The following DNAH14 variants were observed in gnomAD, a reference collection of about 807,000 sequenced individuals.
The protein encoded by DNAH14 is dynein axonemal heavy chain 14, also known as axonemal beta dynein heavy chain 14.
In DNAH14, 478 loss-of-function variants were observed where a neutral mutation model predicts 520.9. The ratio of observed to expected loss-of-function variants is 0.92; its 90% CI spans 0.85 to 0.99. The LOEUF (loss-of-function observed/expected upper bound fraction) is 0.99. Ranked by LOEUF, DNAH14 falls within the 50% of genes least tolerant of loss-of-function variation. The pLI is 0.00. For synonymous variants in DNAH14, 1,581 were observed against 1,757.2 expected, an observed-to-expected ratio of 0.90 and a Z score of 2.51; for missense variants, 4,831 against 5,234.5, an observed-to-expected ratio of 0.92 and a Z score of 2.38.
At chr1:225,262,584 A>G (rs1346266433) in intron 46 of DNAH14, among the ~76,000 whole-genome samples, 2 of 151,948 alleles carry the variant, frequency 1.3e-5, no homozygotes, top group Non-Finnish European at 2.9e-5. Flanking sequence ...TTTTCCCAGC[A>G]CCATTTTTGA....
intron 43 of DNAH14, among the ~76,000 whole-genome samples, chr1:225,243,863 G>A (rs1014877896): frequency 1.3e-5 from 2 of 151,528 alleles, no homozygotes; most frequent in African/African-American, 4.8e-5. Context: ...GATTGCCCTG[G>A]CCAGAATTTC....
chr1:225,378,528 G>T (rs1194688389), intron 79 of DNAH14, among the ~76,000 whole-genome samples: 2 of 152,174 alleles, frequency 1.3e-5, no homozygotes. Context: ...CAGCTTTAAG[G>T]TTATTGCTTA....
At chr1:225,009,678 C>T (rs1372135781) in intron 10 of DNAH14, among the ~76,000 whole-genome samples, 1 of 152,160 alleles carries the variant, frequency 6.6e-6, no homozygotes, top group Non-Finnish European at 1.5e-5. Context: ...AGCATTGAAT[C>T]TATAAATTAC....
At chr1:224,936,399 C>A (rs1416454487) in intron 1 of DNAH14, among the ~76,000 whole-genome samples, 1 of 151,362 alleles carries the variant, frequency 6.6e-6, no homozygotes, top group Non-Finnish European at 1.5e-5. Flanking sequence ...ACAACTGATA[C>A]CAAAGAAATA....
intron 41 of DNAH14, among the ~76,000 whole-genome samples, chr1:225,210,179 A>G (rs943349853): frequency 4.6e-5 from 7 of 152,008 alleles, no homozygotes; most frequent in Admixed American, 2.0e-4. Flanking sequence ...CTGCCCTGGA[A>G]AGGAGGCTGA....
intron 84 of DNAH14, among the ~76,000 whole-genome samples, chr1:225,393,809 T>TG (rs1253308634): frequency 2.1e-5 from 3 of 145,144 alleles, no homozygotes; most frequent in Admixed American, 6.7e-5. Context: ...GATATATCTT[T>TG]TTTTGTTTTT....
intron 17 of DNAH14, among the ~76,000 whole-genome samples, chr1:225,065,877 C>G (rs2070827836): frequency 6.6e-6 from 1 of 151,900 alleles, no homozygotes; most frequent in Non-Finnish European, 1.5e-5. Flanking sequence ...GGGTAAATAC[C>G]CAGAAGTGAG....
At chr1:225,324,458 A>T in intron 63 of DNAH14, 105 bp downstream of exon 63, 1 of 1,392,780 alleles carries the variant, frequency 7.2e-7, no homozygotes, top group Non-Finnish European at 9.7e-7. Context: ...AGTGGAAAGG[A>T]TACCTAAGGA....
chr1:225,188,211 A>G (rs932849886), intron 37 of DNAH14, among the ~76,000 whole-genome samples: 4 of 151,876 alleles, frequency 2.6e-5, no homozygotes, highest in Non-Finnish European at 4.4e-5. Context: ...CTGTGGTCCA[A>G]AAACATTAAA....
chr1:224,987,429 C>A (rs1193994050), intron 8 of DNAH14, among the ~76,000 whole-genome samples: 1 of 152,134 alleles, frequency 6.6e-6, no homozygotes, highest in Non-Finnish European at 1.5e-5. Context: ...ATTGCTATAG[C>A]AAATACTACG....
intron 43 of DNAH14, among the ~76,000 whole-genome samples, chr1:225,251,099 T>TA (rs1026678890): frequency 2.6e-4 from 40 of 152,112 alleles, no homozygotes; most frequent in African/African-American, 9.4e-4. Flanking sequence ...TTTATATGTT[T>TA]AAAAAAAGGA....
intron 60 of DNAH14, among the ~76,000 whole-genome samples, chr1:225,317,056 G>A (rs996123662): frequency 2.6e-5 from 4 of 152,092 alleles, no homozygotes; most frequent in Admixed American, 6.5e-5. Context: ...ATGGCTTTTC[G>A]AGGTTCTTAT....
intron 62 of DNAH14, among the ~76,000 whole-genome samples, chr1:225,323,678 G>A (rs1205714015): frequency 1.3e-5 from 2 of 152,108 alleles, no homozygotes; most frequent in Non-Finnish European, 2.9e-5. Context: ...GGTCAGGCTG[G>A]TCTTGAACTC....
chr1:225,333,888 A>G (rs2094854200), intron 66 of DNAH14, among the ~76,000 whole-genome samples: 1 of 152,190 alleles, frequency 6.6e-6, no homozygotes, highest in South Asian at 2.1e-4. Flanking sequence ...ATTAACTTAG[A>G]TACTTATTGT....
chr1:225,042,231 C>A (rs566984986), intron 12 of DNAH14, among the ~76,000 whole-genome samples: 1 of 152,278 alleles, frequency 6.6e-6, no homozygotes. Context: ...CAGTAGGTAA[C>A]TTAAGCATAA....
At chr1:224,945,673 G>A (rs1219654633) in intron 1 of DNAH14, among the ~76,000 whole-genome samples, 4 of 152,270 alleles carry the variant, frequency 2.6e-5, no homozygotes. Flanking sequence ...GTTTTGGTGT[G>A]GATGTCCTTT....
chr1:225,115,073 G>A (rs1559002983), intron 23 of DNAH14, among the ~76,000 whole-genome samples: 1 of 152,166 alleles, frequency 6.6e-6, no homozygotes, highest in African/African-American at 2.4e-5. Flanking sequence ...TGAGAATAAT[G>A]ATAGTGCTAC....
At chr1:225,364,969 C>T in intron 76 of DNAH14, 75 bp downstream of exon 76, 1 of 1,084,236 alleles carries the variant, frequency 9.2e-7, no homozygotes, top group South Asian at 1.7e-5. Flanking sequence ...ACATTCAAAA[C>T]TCTGAGTTTA....
intron 8 of DNAH14, among the ~76,000 whole-genome samples, chr1:224,999,596 C>T (rs1301407860): frequency 1.3e-5 from 2 of 152,036 alleles, no homozygotes; most frequent in African/African-American, 4.8e-5. Context: ...TTTATATGGG[C>T]TTTAAGTTGT....
Sources: gnomAD v4.1 joint callset for allele counts (sites outside exome capture counted in the v4.1 genomes callset) on GRCh38, gnomAD v4.1.1 for gene constraint, MANE v1.5 for transcripts, NCBI Gene and HGNC (gene_info 2026-07-23, HGNC 2026-07-21) for gene names.